The following FNDC3B variants were observed in gnomAD, a reference collection of about 807,000 sequenced individuals.
FNDC3B encodes the protein fibronectin type III domain containing 3B.
In FNDC3B, 12 loss-of-function variants were observed where a neutral mutation model predicts 151.5. The ratio of observed to expected loss-of-function variants is 0.08; its 90% CI spans 0.05 to 0.13. The LOEUF (loss-of-function observed/expected upper bound fraction) is 0.13, where lower values mean the gene tolerates loss of function less well. FNDC3B is among the 10% of genes least tolerant of loss of function. The pLI is 1.00. For synonymous variants in FNDC3B, 528 were observed against 549.0 expected (o/e 0.96, Z 0.54); for missense variants, 1,214 against 1,505.3 (o/e 0.81, Z 3.20).
At chr3:172,256,274 A>G (rs756335739) in intron 6 of FNDC3B, among the ~76,000 whole-genome samples, 15 of 152,170 alleles carry the variant, frequency 9.9e-5, no homozygotes, top group Non-Finnish European at 2.2e-4. Context: ...CAGCTCAGTT[A>G]TCACCTCCTC....
At position 172,335,219 on chromosome 3, in the gene FNDC3B, A is replaced by G. The variant is rs530849112; in HGVS notation, c.1780+137A>G. ...CAGAAGTTTTCTGCATTCGGAATAT[A>G]TGTGTGAGAAACATCCTGAGAATTC... On this transcript the variant is annotated intron_variant, in intron 15 of 25. Transcript: ENST00000415807. 1.6e-4 allele frequency: 119 copies of G among 748,300 alleles called. No individual in the cohort carries two copies. The Middle Eastern group carries it at 2.3e-3, about 15-fold the overall frequency. The allele number at this position is 748,300 out of a possible 1,614,324, so 46.4% of individuals were successfully genotyped here.
At chr3:172,060,463 C>G (rs1237654571) in intron 1 of FNDC3B, among the ~76,000 whole-genome samples, 1 of 152,062 alleles carries the variant, frequency 6.6e-6, no homozygotes, top group Admixed American at 6.5e-5. Context: ...CTAAAGGCCC[C>G]CTCCACACTT....
intron 1 of FNDC3B, among the ~76,000 whole-genome samples, chr3:172,045,575 CTT>C (rs1716323607): frequency 6.6e-6 from 1 of 152,304 alleles, no homozygotes; most frequent in Middle Eastern, 3.4e-3. Flanking sequence ...GTAGGGGAGT[CTT>C]TGCAACCTAC....
chr3:172,320,914 T>G (rs1264427458), intron 11 of FNDC3B, among the ~76,000 whole-genome samples: 1 of 152,242 alleles, frequency 6.6e-6, no homozygotes, highest in Non-Finnish European at 1.5e-5. Context: ...AAAAAGTTCT[T>G]TTGTTGTTGT....
chr3:172,354,584 T>C (rs1329009910), intron 22 of FNDC3B, among the ~76,000 whole-genome samples: 1 of 151,816 alleles, frequency 6.6e-6, no homozygotes, highest in Non-Finnish European at 1.5e-5. Context: ...CACAATTGGG[T>C]ATACTGTATA....
chr3:172,337,501 A>G (rs1733046642), intron 16 of FNDC3B, 100 bp downstream of exon 16: 1 of 798,938 alleles, frequency 1.3e-6, no homozygotes, highest in South Asian at 1.6e-5. Context: ...CATTAATTCT[A>G]AAGATAGAAT....
intron 4 of FNDC3B, among the ~76,000 whole-genome samples, chr3:172,236,136 G>A (rs1006508133): frequency 3.9e-5 from 6 of 152,272 alleles, no homozygotes; most frequent in Admixed American, 1.3e-4. Flanking sequence ...TTTTAGTATC[G>A]ATTGAAACTC....
chr3:172,245,220 A>G (rs763696534), intron 4 of FNDC3B, among the ~76,000 whole-genome samples: 1 of 152,218 alleles, frequency 6.6e-6, no homozygotes, highest in Non-Finnish European at 1.5e-5. Context: ...AAATGATCAA[A>G]TAAATTTTTT....
At chr3:172,280,347 T>G (rs1729644317) in intron 6 of FNDC3B, among the ~76,000 whole-genome samples, 1 of 152,262 alleles carries the variant, frequency 6.6e-6, no homozygotes, top group African/African-American at 2.4e-5. Context: ...TAAAATTATT[T>G]ATTTCTGTTT....
In FNDC3B at chr3:172,401,360, A is replaced by G. The variant is rs1454796145; in HGVS notation, c.*3885A>G. The G allele has an allele frequency of 1.3e-5, 2 of 152,356 alleles. No homozygotes were observed. Among genetic ancestry groups the G allele is most frequent in the South Asian group, 4.1e-4 (2 of 4,830 alleles). The allele number at this position is 152,356 out of a possible 1,614,324, so 9.4% of individuals were successfully genotyped here. On this transcript the variant is annotated 3_prime_UTR_variant, in exon 26 of 26. Coordinates refer to ENST00000415807, the MANE Select transcript of FNDC3B (RefSeq NM_022763.4). ...AAGGCCTTGGAGGACTGTGAGCCAC[A>G]ATCACATATGTCCATGTTTCAAAAG... is the stretch of plus-strand genomic sequence containing the variant.
At chr3:172,044,954 T>C (rs1466655778) in intron 1 of FNDC3B, among the ~76,000 whole-genome samples, 2 of 152,240 alleles carry the variant, frequency 1.3e-5, no homozygotes, top group African/African-American at 4.8e-5. Flanking sequence ...AGCTGGGTCC[T>C]TGATAAGCTT....
At chr3:172,061,661 C>T (rs1717207564) in intron 1 of FNDC3B, among the ~76,000 whole-genome samples, 1 of 152,180 alleles carries the variant, frequency 6.6e-6, no homozygotes, top group Non-Finnish European at 1.5e-5. Context: ...GCAAGAATGA[C>T]TTCTATTCAA....
chr3:172,162,659 GTTTTT>G (rs35538458), intron 3 of FNDC3B, among the ~76,000 whole-genome samples: 4 of 135,092 alleles, frequency 3.0e-5, no homozygotes, highest in African/African-American at 1.1e-4. Flanking sequence ...TTATTACCTG[GTTTTT>G]TTTTTTTTTT....
At chr3:172,321,651 C>G (rs1035191545) in intron 11 of FNDC3B, 1 of 186,560 alleles carries the variant, frequency 5.4e-6, no homozygotes, top group African/African-American at 2.4e-5. Flanking sequence ...AGCAATTCTC[C>G]TGCCTCAGCC....
At chr3:172,262,626 T>C (rs1728705285) in intron 6 of FNDC3B, among the ~76,000 whole-genome samples, 1 of 151,838 alleles carries the variant, frequency 6.6e-6, no homozygotes, top group Admixed American at 6.6e-5. Context: ...AGTTAAAAAT[T>C]AAGCACAAGA....
At chr3:172,257,899 C>G (rs1728441735) in intron 6 of FNDC3B, among the ~76,000 whole-genome samples, 2 of 152,116 alleles carry the variant, frequency 1.3e-5, no homozygotes, top group African/African-American at 4.8e-5. Context: ...ACTGCTGGCT[C>G]TTTGAGTGCC....
chr3:172,313,440 A>G (rs1181822271), intron 11 of FNDC3B, among the ~76,000 whole-genome samples: 2 of 152,224 alleles, frequency 1.3e-5, no homozygotes, highest in Admixed American at 6.5e-5. Flanking sequence ...TACATTATTT[A>G]TGCTCTCACA....
intron 1 of FNDC3B, among the ~76,000 whole-genome samples, chr3:172,043,497 C>T (rs1004059646): frequency 1.3e-5 from 2 of 152,122 alleles, no homozygotes; most frequent in African/African-American, 2.4e-5. Context: ...CAGGTGTGCA[C>T]GCCACCATGC....
intron 1 of FNDC3B, among the ~76,000 whole-genome samples, chr3:172,100,876 C>T (rs1234607751): frequency 6.6e-6 from 1 of 152,142 alleles, no homozygotes; most frequent in African/African-American, 2.4e-5. Flanking sequence ...TGATTTCCAT[C>T]CCCCCAACCA....
Sources: gnomAD v4.1 joint callset for allele counts (sites outside exome capture counted in the v4.1 genomes callset) on GRCh38, gnomAD v4.1.1 for gene constraint, MANE v1.5 for transcripts, NCBI Gene and HGNC (gene_info 2026-07-23, HGNC 2026-07-21) for gene names.